ADORA2B: variants seen among roughly 807,000 people sequenced by gnomAD.
ADORA2B encodes adenosine A2b receptor.
In ADORA2B, 18 loss-of-function variants were observed where a neutral mutation model predicts 20.8. That is an observed-to-expected ratio of 0.87 (90% confidence interval 0.60 to 1.29). The LOEUF (loss-of-function observed/expected upper bound fraction) is 1.29. Ranked by LOEUF, ADORA2B falls within the 50% of genes most tolerant of loss-of-function variation. The pLI is 0.00. For synonymous variants in ADORA2B, 179 were observed against 178.3 expected (o/e 1.00, Z -0.03); for missense variants, 441 against 422.7 (o/e 1.04, Z -0.38).
the ADORA2B span, among the ~76,000 whole-genome samples, chr17:15,885,621 C>T: frequency 3.4e-4 from 52 of 150,814 alleles, no homozygotes; most frequent in Non-Finnish European, 6.2e-4. Flanking sequence ...GGCTGAGGCA[C>T]GAGAATTGCT....
the ADORA2B span, among the ~76,000 whole-genome samples, chr17:15,910,443 G>A: frequency 3.3e-5 from 5 of 151,942 alleles, no homozygotes; most frequent in Non-Finnish European, 5.9e-5. Context: ...AATTACAGGC[G>A]TGTGCCACCA....
chr17:15,965,038 C>T (rs763888149), intron 1 of ADORA2B, among the ~76,000 whole-genome samples: 21 of 150,668 alleles, frequency 1.4e-4, no homozygotes, highest in Non-Finnish European at 1.9e-4. Context: ...CCAGCCTGGG[C>T]GACGGAGCTA....
chr17:15,916,767 C>T, the ADORA2B span, among the ~76,000 whole-genome samples: 4 of 152,290 alleles, frequency 2.6e-5, no homozygotes. Context: ...GGGCATAAGA[C>T]AGTATGAGGG....
At chr17:15,874,177 G>A in the ADORA2B span, among the ~76,000 whole-genome samples, 2 of 151,042 alleles carry the variant, frequency 1.3e-5, no homozygotes, top group African/African-American at 2.4e-5. Context: ...GCAACAACTT[G>A]GATGGAGCTG....
At chr17:15,864,886 G>A in the ADORA2B span, among the ~76,000 whole-genome samples, 8 of 151,624 alleles carry the variant, frequency 5.3e-5, no homozygotes, top group African/African-American at 7.3e-5. Flanking sequence ...TTTTCTTTGC[G>A]TGACTGTTAG....
chr17:15,875,116 T>C, the ADORA2B span, among the ~76,000 whole-genome samples: 1 of 152,178 alleles, frequency 6.6e-6, no homozygotes, highest in South Asian at 2.1e-4. Context: ...TCCTCAAAAT[T>C]TGTAACAGTT....
At chr17:15,870,235 G>A in the ADORA2B span, among the ~76,000 whole-genome samples, 6 of 145,014 alleles carry the variant, frequency 4.1e-5, no homozygotes, top group African/African-American at 1.6e-4. Context: ...ATATATATTA[G>A]GTTGGTGTAA....
chr17:15,928,405 G>A, the ADORA2B span, among the ~76,000 whole-genome samples: 4 of 151,778 alleles, frequency 2.6e-5, no homozygotes, highest in Non-Finnish European at 4.4e-5. Flanking sequence ...TTGCCTGTGC[G>A]GATGCCAGGG....
the ADORA2B span, among the ~76,000 whole-genome samples, chr17:15,884,780 A>G: frequency 2.6e-5 from 4 of 152,144 alleles, no homozygotes; most frequent in Non-Finnish European, 4.4e-5. Context: ...ATAGAATTCC[A>G]TGGTGTATAT....
chr17:15,877,218 T>G, the ADORA2B span, among the ~76,000 whole-genome samples: 1 of 152,244 alleles, frequency 6.6e-6, no homozygotes, highest in Admixed American at 6.5e-5. Flanking sequence ...CATACGAATT[T>G]CGCTGAAGAT....
chr17:15,900,651 T>G, the ADORA2B span, among the ~76,000 whole-genome samples: 945 of 152,124 alleles, frequency 6.2e-3, 6 homozygotes, highest in Middle Eastern at 0.027. Context: ...ATTCTCAACA[T>G]GTTGCCTAGG....
chr17:15,888,023 A>C, the ADORA2B span, among the ~76,000 whole-genome samples: 1 of 120,366 alleles, frequency 8.3e-6, no homozygotes, highest in South Asian at 2.5e-4. Flanking sequence ...GATTTGGGAG[A>C]TAATGAGCCA....
At chr17:15,918,372 C>T in the ADORA2B span, among the ~76,000 whole-genome samples, 3 of 152,228 alleles carry the variant, frequency 2.0e-5, no homozygotes, top group Non-Finnish European at 1.5e-5. Flanking sequence ...AGTCTTAAAC[C>T]TTTCCTCCGG....
At chr17:15,971,971 C>G (rs535342388) in intron 1 of ADORA2B, among the ~76,000 whole-genome samples, 39 of 152,218 alleles carry the variant, frequency 2.6e-4, no homozygotes, top group Non-Finnish European at 8.8e-5. Context: ...GTGCTGGGAA[C>G]TGTGCTAGGT....
intron 1 of ADORA2B, among the ~76,000 whole-genome samples, chr17:15,945,901 C>T (rs1295018988): frequency 6.6e-6 from 1 of 152,140 alleles, no homozygotes; most frequent in Non-Finnish European, 1.5e-5. Context: ...CCGGGGAAAG[C>T]GTCACCCCCG....
the ADORA2B span, among the ~76,000 whole-genome samples, chr17:15,874,997 G>C: frequency 6.6e-6 from 1 of 151,902 alleles, no homozygotes; most frequent in Non-Finnish European, 1.5e-5. Flanking sequence ...CTTCATTGTG[G>C]ATGAAAGTGA....
At chr17:15,899,516 T>C in the ADORA2B span, among the ~76,000 whole-genome samples, 1 of 152,190 alleles carries the variant, frequency 6.6e-6, no homozygotes, top group African/African-American at 2.4e-5. Context: ...GGCATGCTGC[T>C]GAGGTTTGGG....
chr17:15,946,746 C>T (rs1054691253), intron 1 of ADORA2B, among the ~76,000 whole-genome samples: 2 of 152,016 alleles, frequency 1.3e-5, no homozygotes, highest in Non-Finnish European at 2.9e-5. Flanking sequence ...GATGGTGTAT[C>T]AGGGATGGGT....
chr17:15,962,050 C>A (rs1970047896), intron 1 of ADORA2B, among the ~76,000 whole-genome samples: 1 of 152,140 alleles, frequency 6.6e-6, no homozygotes, highest in Non-Finnish European at 1.5e-5. Flanking sequence ...TGGCTGTAAT[C>A]CCAGCACTTT....
Sources: gnomAD v4.1 joint callset for allele counts (sites outside exome capture counted in the v4.1 genomes callset) on GRCh38, gnomAD v4.1.1 for gene constraint, MANE v1.5 for transcripts, NCBI Gene and HGNC (gene_info 2026-07-23, HGNC 2026-07-21) for gene names.